The following CAMTA1 variants were observed in gnomAD, a reference collection of about 807,000 sequenced individuals.
CAMTA1 encodes calmodulin binding transcription activator 1.
In CAMTA1, 27 loss-of-function variants were observed where a neutral mutation model predicts 170.9. The observed-to-expected ratio is 0.16, with a 90% CI of 0.12 to 0.22. The LOEUF is 0.22. Among genes scored for constraint, CAMTA1 ranks in the 10% least tolerant of loss-of-function variants. CAMTA1 has a pLI of 1.00. For missense variants in CAMTA1, 1,619 were observed against 2,217.2 expected, an observed-to-expected ratio of 0.73 and a Z score of 5.42; for synonymous variants, 833 against 891.5, an observed-to-expected ratio of 0.93 and a Z score of 1.17.
At chr1:7,315,947 G>A (rs1280000606) in intron 5 of CAMTA1, among the ~76,000 whole-genome samples, 2 of 152,122 alleles carry the variant, frequency 1.3e-5, no homozygotes, top group African/African-American at 2.4e-5. Flanking sequence ...ATTGACTCAC[G>A]GTTCCATATG....
chr1:6,979,744 C>T (rs1285508593), intron 3 of CAMTA1, among the ~76,000 whole-genome samples: 2 of 152,136 alleles, frequency 1.3e-5, no homozygotes, highest in African/African-American at 4.8e-5. Flanking sequence ...GGTGGTGTAG[C>T]TGGGGGAGAG....
At chr1:6,794,166 G>A (rs1411087631) in intron 1 of CAMTA1, among the ~76,000 whole-genome samples, 1 of 152,184 alleles carries the variant, frequency 6.6e-6, no homozygotes, top group East Asian at 1.9e-4. Context: ...AAATGGGGAC[G>A]CTTAGAGGAC....
intron 6 of CAMTA1, among the ~76,000 whole-genome samples, chr1:7,513,165 AG>A (rs1428334514): frequency 6.6e-5 from 10 of 152,162 alleles, no homozygotes; most frequent in African/African-American, 2.4e-4. Flanking sequence ...GCGGACCTCC[AG>A]GGTAGAGCTG....
At chr1:7,011,290 T>C (rs1285560255) in intron 3 of CAMTA1, among the ~76,000 whole-genome samples, 1 of 152,188 alleles carries the variant, frequency 6.6e-6, no homozygotes, top group African/African-American at 2.4e-5. Flanking sequence ...CTGCAACCTC[T>C]GCCTCTTGGG....
intron 3 of CAMTA1, among the ~76,000 whole-genome samples, chr1:6,833,019 TCAG>T (rs559003171): frequency 2.4e-3 from 367 of 151,778 alleles, no homozygotes; most frequent in Non-Finnish European, 4.1e-3. Context: ...GTGCAGTGCC[TCAG>T]CAGCAGCAGC....
intron 7 of CAMTA1, among the ~76,000 whole-genome samples, chr1:7,649,892 C>T (rs770144738): frequency 4.6e-5 from 7 of 152,200 alleles, no homozygotes; most frequent in Non-Finnish European, 8.8e-5. Flanking sequence ...GTGGTTCTGT[C>T]AAAGTTAGAA....
At chr1:7,009,331 A>G (rs1434468873) in intron 3 of CAMTA1, among the ~76,000 whole-genome samples, 4 of 152,060 alleles carry the variant, frequency 2.6e-5, no homozygotes, top group Non-Finnish European at 5.9e-5. Flanking sequence ...GATTCCCCAG[A>G]GGCGGCATCG....
rs776211456 is a variant in CAMTA1 at position 7,633,167 on chromosome 1, G to T, written c.511-7233G>T. 4.6e-5 allele frequency among the ~76,000 whole-genome samples: 7 copies of T among 152,186 alleles called. No individual in the cohort carries two copies. The highest frequency in any genetic ancestry group is 7.2e-5 in the African/African-American group (3 of 41,452). ...GTCCTCTCTTTGTCCCTGCAGTTTG[G>T]GTGAAAGGTGCCATCTAGAAAAGGT... is the stretch of plus-strand genomic sequence containing the variant. On this transcript the variant is annotated intron_variant, in intron 6 of 22. Transcript: ENST00000303635. The surrounding 1 kb of genome is among the most constrained non-coding windows in gnomAD (Gnocchi z 4.1).
intron 4 of CAMTA1, among the ~76,000 whole-genome samples, chr1:7,127,170 ACCCCAGGG>A (rs1229998483): frequency 6.8e-6 from 1 of 147,478 alleles, no homozygotes; most frequent in East Asian, 2.0e-4. Context: ...GCACTATGCA[ACCCCAGGG>A]GAATTCTCTG....
rs574498887 is a variant in CAMTA1 at position 7,763,105 on chromosome 1, G to C, written c.4990-3354G>C. ...TGCCATTTATTAACTGTGTGAATTG[G>C]GGCAGATTGCTTAATTCCTATAAAT... On this transcript the variant is annotated intron_variant, in intron 22 of 22. Coordinates refer to ENST00000303635, the MANE Select transcript of CAMTA1 (RefSeq NM_015215.4). 2.0e-4 allele frequency among the ~76,000 whole-genome samples: 31 copies of C among 152,222 alleles called. No individual in the cohort carries two copies. The South Asian group carries it at 6.2e-3, about 31-fold the overall frequency.
chr1:7,177,461 CA>C (rs1651108656), intron 4 of CAMTA1, among the ~76,000 whole-genome samples: 1 of 145,894 alleles, frequency 6.9e-6, no homozygotes, highest in Non-Finnish European at 1.5e-5. Context: ...GCCCCTCCCA[CA>C]CCCTGAGGCC....
In CAMTA1 at chr1:7,093,078, G is replaced by A. The variant is rs906143695; in HGVS notation, c.302+1707G>A. 6.6e-6 allele frequency among the ~76,000 whole-genome samples: 1 copy of A among 152,162 alleles called. No homozygotes were observed. Among genetic ancestry groups the A allele is most frequent in the Non-Finnish European group, 1.5e-5 (1 of 68,036 alleles). On this transcript the variant is annotated intron_variant, in intron 4 of 22. Coordinates refer to ENST00000303635, the MANE Select transcript of CAMTA1 (RefSeq NM_015215.4). The surrounding 1 kb of genome is among the most constrained non-coding windows in gnomAD (Gnocchi z 4.6). ...ATACAGTGCACTATTTGGTGAATAC[G>A]GCCATGTTAAACTAGAGAGCCTGAC... is the stretch of plus-strand genomic sequence containing the variant.
At chr1:7,428,836 T>C (rs538686742) in intron 5 of CAMTA1, among the ~76,000 whole-genome samples, 1 of 152,256 alleles carries the variant, frequency 6.6e-6, no homozygotes, top group African/African-American at 2.4e-5. Context: ...TCTGTGTGCG[T>C]CTGATTCCTG....
chr1:7,045,585 C>T (rs1479805500), intron 3 of CAMTA1, among the ~76,000 whole-genome samples: 1 of 152,172 alleles, frequency 6.6e-6, no homozygotes, highest in African/African-American at 2.4e-5. Context: ...ATTGTAGATG[C>T]CCTTAGCAAG....
chr1:7,263,135 A>G (rs541213913), intron 5 of CAMTA1, among the ~76,000 whole-genome samples: 2 of 152,280 alleles, frequency 1.3e-5, no homozygotes, highest in South Asian at 4.2e-4. Context: ...TTCTCAGGCT[A>G]AATACCAGAC....
chr1:7,427,995 C>T (rs568063814), intron 5 of CAMTA1, among the ~76,000 whole-genome samples: 20 of 152,280 alleles, frequency 1.3e-4, no homozygotes, highest in South Asian at 4.1e-4. Flanking sequence ...GGCTCCAGGA[C>T]GTGCTGCTGC....
At chr1:7,111,885 CAA>C (rs66460647) in intron 4 of CAMTA1, among the ~76,000 whole-genome samples, 4,703 of 75,558 alleles carry the variant, frequency 0.062, 123 homozygotes, top group Middle Eastern at 0.12. Flanking sequence ...ACTCCATCTC[CAA>C]AAAAAAAAAA....
chr1:7,760,165 T>C (rs1389213635), intron 22 of CAMTA1, among the ~76,000 whole-genome samples: 1 of 152,280 alleles, frequency 6.6e-6, no homozygotes, highest in East Asian at 1.9e-4. Flanking sequence ...GAAGAAGAAA[T>C]AACACTTTTT....
In CAMTA1 at chr1:7,706,864, G is replaced by A. The variant is rs1046830879; in HGVS notation, c.2915-25584G>A. Reference sequence around the variant, plus strand: ...GATTTGGCTTTGGTGATACCCTGGCGGATGCATTATTTCAGGCTATTCTTT... The same window carrying A: ...GATTTGGCTTTGGTGATACCCTGGCAGATGCATTATTTCAGGCTATTCTTT... On this transcript the variant is annotated intron_variant, in intron 11 of 22. Transcript: ENST00000303635. 2.6e-5 allele frequency among the ~76,000 whole-genome samples: 4 copies of A among 151,362 alleles called. No homozygotes were observed. In the East Asian group the frequency reaches 5.9e-4, roughly 22 times the overall value.
Sources: allele counts gnomAD v4.1 joint callset (sites outside exome capture counted in the v4.1 genomes callset), GRCh38; gene constraint gnomAD v4.1.1; non-coding constraint Gnocchi (gnomAD v3.1); transcripts MANE v1.5; gene names NCBI Gene and HGNC (gene_info 2026-07-23, HGNC 2026-07-21).